ATP11A: variants seen among roughly 807,000 people sequenced by gnomAD.
ATP11A encodes ATPase phospholipid transporting 11A.
In ATP11A, 81 loss-of-function variants were observed where a neutral mutation model predicts 154.4. That is an observed-to-expected ratio of 0.52 (90% confidence interval 0.44 to 0.63). ATP11A has a LOEUF of 0.63. Among genes scored for constraint, ATP11A ranks in the 30% least tolerant of loss-of-function variants. The pLI is 0.00. For synonymous variants in ATP11A, 623 were observed against 585.9 expected (o/e 1.06, Z -0.91); for missense variants, 1,316 against 1,474.3 (o/e 0.89, Z 1.76).
intron 1 of ATP11A, among the ~76,000 whole-genome samples, chr13:112,737,529 G>A (rs1325988407): frequency 6.6e-6 from 1 of 152,232 alleles, no homozygotes; most frequent in Non-Finnish European, 1.5e-5. Context: ...ACCAGAAGGA[G>A]AGGAGGGAAG....
At chr13:112,781,592 G>C (rs1306713978) in intron 1 of ATP11A, among the ~76,000 whole-genome samples, 2 of 152,086 alleles carry the variant, frequency 1.3e-5, no homozygotes, top group Admixed American at 1.3e-4. Flanking sequence ...TGAGCAGCAG[G>C]GACCGGGCGC....
intron 16 of ATP11A, among the ~76,000 whole-genome samples, chr13:112,837,771 G>A (rs143209541): frequency 1.3e-5 from 2 of 152,184 alleles, no homozygotes; most frequent in Non-Finnish European, 2.9e-5. Flanking sequence ...GCCATCATCA[G>A]TGCCGTCGGG....
intron 1 of ATP11A, among the ~76,000 whole-genome samples, chr13:112,716,197 A>G (rs1888442745): frequency 1.3e-5 from 2 of 152,128 alleles, no homozygotes; most frequent in Admixed American, 6.5e-5. Context: ...AGCTCCCATG[A>G]GAAGCATCCA....
intron 1 of ATP11A, among the ~76,000 whole-genome samples, chr13:112,731,222 G>T (rs1465611604): frequency 6.6e-6 from 1 of 152,116 alleles, no homozygotes; most frequent in Non-Finnish European, 1.5e-5. Context: ...GCCTGCCTTA[G>T]CCTCCCAAAG....
At position 112,881,921 on chromosome 13, in the gene ATP11A, T is replaced by G. The variant is rs1203686820; in HGVS notation, c.*55T>G. The stretch of plus-strand genomic sequence containing the variant: ...CTGTCCCTCGGCCGCCTGGTACAGC[T>G]CCCACTCTCAGCAGGTGACACTCGC... On this transcript the variant is annotated 3_prime_UTR_variant, in exon 30 of 30. Transcript: ENST00000375645. 4 of 1,367,400 alleles carry G rather than the reference T, an allele frequency of 2.9e-6. No individual in the cohort carries two copies. The highest frequency in any genetic ancestry group is 2.9e-6 in the Non-Finnish European group (3 of 1,021,938). 84.7% of individuals were successfully genotyped at this position (1,367,400 alleles called of 1,614,324 possible).
At chr13:112,759,839 C>T (rs535414262) in intron 1 of ATP11A, among the ~76,000 whole-genome samples, 88 of 152,206 alleles carry the variant, frequency 5.8e-4, no homozygotes, top group African/African-American at 2.0e-3. Context: ...CAGATAATCA[C>T]GTTAATTTTT....
chr13:112,871,621 G>A (rs1032098683), intron 25 of ATP11A, 114 bp from the exon 26 acceptor site: 14 of 968,168 alleles, frequency 1.4e-5, no homozygotes, highest in Admixed American at 5.4e-5. Context: ...TATCTTTGGG[G>A]TTTGAAGTGT....
intron 18 of ATP11A, among the ~76,000 whole-genome samples, chr13:112,852,485 C>T (rs1290676624): frequency 2.6e-5 from 4 of 152,320 alleles, no homozygotes; most frequent in Admixed American, 1.3e-4. Flanking sequence ...GTGTAAAGAA[C>T]GCGACTTGCA....
chr13:112,880,863 G>A (rs1016612068), intron 29 of ATP11A: 1 of 1,061,994 alleles, frequency 9.4e-7, no homozygotes, highest in Non-Finnish European at 1.1e-6. Context: ...ACACACACGT[G>A]TGCACACTCA....
intron 1 of ATP11A, among the ~76,000 whole-genome samples, chr13:112,730,509 C>T (rs1362466372): frequency 6.6e-6 from 1 of 152,220 alleles, no homozygotes; most frequent in African/African-American, 2.4e-5. Context: ...CATCCCTGTT[C>T]TCTAGTAACA....
At chr13:112,810,950 A>C (rs1005683480) in intron 5 of ATP11A, among the ~76,000 whole-genome samples, 3 of 152,150 alleles carry the variant, frequency 2.0e-5, no homozygotes, top group Non-Finnish European at 2.9e-5. Flanking sequence ...CTGTCTCTTA[A>C]ACATTTTTAA....
intron 17 of ATP11A, among the ~76,000 whole-genome samples, chr13:112,845,793 TCCA>T (rs2079584492): frequency 1.3e-5 from 1 of 75,184 alleles, no homozygotes; most frequent in African/African-American, 6.1e-5. Flanking sequence ...CAGTCCAGTT[TCCA>T]GGCACTAGTG....
At chr13:112,752,975 C>T (rs1251301130) in intron 1 of ATP11A, among the ~76,000 whole-genome samples, 1 of 152,260 alleles carries the variant, frequency 6.6e-6, no homozygotes, top group Non-Finnish European at 1.5e-5. Context: ...ACATGGTCTA[C>T]ACATCCTGCC....
chr13:112,822,362 G>A (rs1229564765), intron 8 of ATP11A, among the ~76,000 whole-genome samples: 1 of 152,214 alleles, frequency 6.6e-6, no homozygotes, highest in Non-Finnish European at 1.5e-5. Context: ...TCAGTGCACA[G>A]AACGGGGCTT....
At chr13:112,868,921 G>A (rs369737728) in intron 25 of ATP11A, among the ~76,000 whole-genome samples, 1 of 152,082 alleles carries the variant, frequency 6.6e-6, no homozygotes. Flanking sequence ...AGGAGAGAGA[G>A]AGCAAAGGGG....
chr13:112,868,978 C>T (rs996618048), intron 25 of ATP11A, among the ~76,000 whole-genome samples: 1 of 152,064 alleles, frequency 6.6e-6, no homozygotes, highest in Non-Finnish European at 1.5e-5. Flanking sequence ...AGAACTCACT[C>T]GCCCACCGTC....
chr13:112,770,409 A>T (rs536913489), intron 1 of ATP11A, among the ~76,000 whole-genome samples: 4 of 152,312 alleles, frequency 2.6e-5, no homozygotes, highest in Admixed American at 2.0e-4. Context: ...TGAGGAAGAA[A>T]AGAAAAAAGG....
rs1252285076 is a variant in ATP11A at position 112,886,670 on chromosome 13, A to G, written c.*4804A>G. 1 of 152,630 alleles carries G rather than the reference A, an allele frequency of 6.6e-6. No individual in the cohort carries two copies. The highest frequency in any genetic ancestry group is 1.5e-5 in the Non-Finnish European group (1 of 68,052). The allele number at this position is 152,630 out of a possible 1,614,324, so 9.5% of individuals were successfully genotyped here. A position where few individuals can be genotyped will look rare whatever the true frequency, so the allele number is the denominator to read the frequency against. On this transcript the variant is annotated 3_prime_UTR_variant, in exon 30 of 30. Transcript: ENST00000375645. ...TCTACTTTTGCAGAAAAATCTAAAG[A>G]TCAATTTATATAGCTTTATTTTTTA...
At position 112,763,382 on chromosome 13, in the gene ATP11A, C is replaced by T. The variant is rs75773361; in HGVS notation, c.40-21753C>T. Among the ~76,000 whole-genome samples, 603 of 152,294 alleles carry T rather than the reference C, an allele frequency of 4.0e-3. 4 individuals carry two copies. Among genetic ancestry groups the T allele is most frequent in the African/African-American group, 0.014 (569 of 41,566 alleles). ...AAACAGAGACCTGAGACTGACAAAA[C>T]AGACTCTCTGTACCAGTAAGTTTCC... On this transcript the variant is annotated intron_variant, in intron 1 of 29. Transcript: ENST00000375645.
Sources: allele counts gnomAD v4.1 joint callset (sites outside exome capture counted in the v4.1 genomes callset), GRCh38; gene constraint gnomAD v4.1.1; transcripts MANE v1.5; gene names NCBI Gene and HGNC (gene_info 2026-07-23, HGNC 2026-07-21).